Variants in EEIG2 observed in about 807,000 individuals in gnomAD.
EEIG2 encodes EEIG family member 2.
chr1:108,624,446 A>AAAAAC, the EEIG2 span, among the ~76,000 whole-genome samples: 1 of 149,584 alleles, frequency 6.7e-6, no homozygotes. Context: ...AAAAAAAAAA[A>AAAAAC]AAACCCTTTT....
At chr1:108,607,600 G>A in the EEIG2 span, among the ~76,000 whole-genome samples, 10 of 152,236 alleles carry the variant, frequency 6.6e-5, no homozygotes, top group South Asian at 2.1e-3. Flanking sequence ...GTGGTGGGAG[G>A]ATCACTTGAG....
chr1:108,630,526 GTAAC>G, the EEIG2 span, among the ~76,000 whole-genome samples: 4 of 152,188 alleles, frequency 2.6e-5, no homozygotes, highest in African/African-American at 4.8e-5. Context: ...GTAAACATAT[GTAAC>G]TAACCTGCAC....
the EEIG2 span, among the ~76,000 whole-genome samples, chr1:108,601,493 T>C: frequency 6.6e-6 from 1 of 150,872 alleles, no homozygotes; most frequent in Non-Finnish European, 1.5e-5. Context: ...TACTAAATAA[T>C]ATTTTAAGTA....
the EEIG2 span, among the ~76,000 whole-genome samples, chr1:108,571,740 T>G: frequency 2.0e-5 from 3 of 152,088 alleles, no homozygotes; most frequent in African/African-American, 7.2e-5. Context: ...GCCCACTTCC[T>G]AGGAGGTCAT....
the EEIG2 span, among the ~76,000 whole-genome samples, chr1:108,594,600 T>C: frequency 2.0e-5 from 3 of 152,220 alleles, no homozygotes; most frequent in African/African-American, 7.2e-5. Context: ...TAGTAGTTAA[T>C]ATGTGTAATT....
the EEIG2 span, among the ~76,000 whole-genome samples, chr1:108,566,206 C>T: frequency 6.6e-6 from 1 of 152,026 alleles, no homozygotes; most frequent in African/African-American, 2.4e-5. Context: ...TTTTGAAAGG[C>T]TTTCTCCTTT....
chr1:108,576,661 G>A, the EEIG2 span, among the ~76,000 whole-genome samples: 2 of 147,208 alleles, frequency 1.4e-5, no homozygotes, highest in Non-Finnish European at 3.0e-5. Context: ...ATTCCATGGT[G>A]TATATGTGCC....
At chr1:108,606,195 T>TCAG in the EEIG2 span, 1 of 1,448,882 alleles carries the variant, frequency 6.9e-7, no homozygotes, top group Non-Finnish European at 9.4e-7. Flanking sequence ...TTATGTGATA[T>TCAG]CCTTATAGTA....
At chr1:108,567,374 C>G in the EEIG2 span, among the ~76,000 whole-genome samples, 1,450 of 152,158 alleles carry the variant, frequency 9.5e-3, 22 homozygotes, top group African/African-American at 0.033. Flanking sequence ...AGTGCCCTTG[C>G]CATTATTGCT....
the EEIG2 span, among the ~76,000 whole-genome samples, chr1:108,633,942 C>T: frequency 6.6e-6 from 1 of 152,150 alleles, no homozygotes; most frequent in African/African-American, 2.4e-5. Context: ...ACTGCAGGCT[C>T]GGAAGATCCT....
the EEIG2 span, chr1:108,637,822 G>A: frequency 2.0e-5 from 3 of 152,718 alleles, no homozygotes; most frequent in East Asian, 5.8e-4. Flanking sequence ...CCTGTGCCCT[G>A]AGCTGCTGAG....
chr1:108,638,028 C>T, the EEIG2 span: 2 of 152,644 alleles, frequency 1.3e-5, no homozygotes, highest in Non-Finnish European at 2.9e-5. Context: ...TCCAGCTTAA[C>T]ACTATCAGAA....
the EEIG2 span, among the ~76,000 whole-genome samples, chr1:108,578,095 CTGTT>C: frequency 3.6e-5 from 5 of 139,750 alleles, no homozygotes; most frequent in Admixed American, 3.7e-4. Flanking sequence ...ATTTGGCTCT[CTGTT>C]TGTCTGTTGT....
At chr1:108,573,273 T>G in the EEIG2 span, among the ~76,000 whole-genome samples, 2 of 152,182 alleles carry the variant, frequency 1.3e-5, no homozygotes, top group African/African-American at 4.8e-5. Context: ...ATTATACTAG[T>G]AGTAAGTGAT....
chr1:108,589,947 T>C, the EEIG2 span, among the ~76,000 whole-genome samples: 2 of 152,030 alleles, frequency 1.3e-5, no homozygotes, highest in Non-Finnish European at 2.9e-5. Flanking sequence ...TGAGCCATCA[T>C]GTGCAGCCTG....
the EEIG2 span, among the ~76,000 whole-genome samples, chr1:108,619,748 C>T: frequency 6.6e-6 from 1 of 152,084 alleles, no homozygotes; most frequent in Admixed American, 6.6e-5. Flanking sequence ...AAAAATTAGC[C>T]AGGCGTGGTG....
the EEIG2 span, among the ~76,000 whole-genome samples, chr1:108,579,772 T>TGTGAGAGAGAGAGAGAGAGAGA: frequency 3.4e-3 from 202 of 58,858 alleles, 2 homozygotes; most frequent in South Asian, 5.5e-3. Context: ...TGTGTGTGTG[T>TGTGAGAGAGAGAGAGAGAGAGA]GAGAGAGAGA....
the EEIG2 span, among the ~76,000 whole-genome samples, chr1:108,614,926 G>A: frequency 6.6e-6 from 1 of 152,220 alleles, no homozygotes; most frequent in African/African-American, 2.4e-5. Flanking sequence ...ATATTCAAGA[G>A]TGCAGTTTTG....
At chr1:108,572,914 G>A in the EEIG2 span, among the ~76,000 whole-genome samples, 3 of 152,080 alleles carry the variant, frequency 2.0e-5, no homozygotes, top group Admixed American at 6.6e-5. Context: ...TGCATTTAAG[G>A]TTCCTCTTCC....
Sources: gnomAD v4.1 joint callset for allele counts (sites outside exome capture counted in the v4.1 genomes callset) on GRCh38, gnomAD v4.1.1 for gene constraint, MANE v1.5 for transcripts, NCBI Gene and HGNC (gene_info 2026-07-23, HGNC 2026-07-21) for gene names.